Variants in PCCA observed in about 807,000 individuals in gnomAD.
PCCA encodes the protein propionyl-CoA carboxylase subunit alpha, also known as propionyl-CoA carboxylase alpha chain, mitochondrial.
Under a neutral mutation model 101.3 loss-of-function variants are expected in PCCA, and 74 were observed. That is an observed-to-expected ratio of 0.73 (90% CI 0.61 to 0.89). The LOEUF (loss-of-function observed/expected upper bound fraction) is 0.89, where lower values mean the gene tolerates loss of function less well. Among genes scored for constraint, PCCA ranks in the 40% least tolerant of loss-of-function variants. The probability of loss-of-function intolerance (pLI) is 0.00; values close to 1 mark genes in which losing one functional copy is unlikely to be tolerated. For synonymous variants in PCCA, 294 were observed against 313.6 expected (o/e 0.94, Z 0.66); for missense variants, 891 against 907.0 (o/e 0.98, Z 0.23).
intron 19 of PCCA, among the ~76,000 whole-genome samples, chr13:100,418,964 C>T (rs1475079868): frequency 1.3e-5 from 2 of 151,960 alleles, no homozygotes; most frequent in South Asian, 2.1e-4. Context: ...CTGCTCCATC[C>T]ACATGGGTTT....
At chr13:100,337,675 CCT>C (rs755996881) in intron 17 of PCCA, among the ~76,000 whole-genome samples, 6 of 152,114 alleles carry the variant, frequency 3.9e-5, no homozygotes, top group Non-Finnish European at 8.8e-5. Context: ...ATTTGGGAGA[CCT>C]CTCTCAATAT....
chr13:100,213,511 T>A (rs1433692574), intron 7 of PCCA, among the ~76,000 whole-genome samples: 2 of 152,272 alleles, frequency 1.3e-5, no homozygotes, highest in Non-Finnish European at 2.9e-5. Context: ...ATATGCCTGT[T>A]TAACATTTGT....
chr13:100,368,655 C>G (rs2075376078), intron 19 of PCCA, 81 bp downstream of exon 19: 6 of 866,864 alleles, frequency 6.9e-6, no homozygotes, highest in Admixed American at 5.5e-5. Context: ...TGTTCAGTGA[C>G]TCTCGTCTTT....
At chr13:100,360,268 T>C (rs1269256709) in intron 18 of PCCA, among the ~76,000 whole-genome samples, 1 of 151,930 alleles carries the variant, frequency 6.6e-6, no homozygotes, top group East Asian at 1.9e-4. Context: ...CAGTCACCTC[T>C]TACTGCATCC....
At chr13:100,180,198 T>A (rs578125427) in intron 6 of PCCA, among the ~76,000 whole-genome samples, 4 of 152,320 alleles carry the variant, frequency 2.6e-5, no homozygotes, top group Admixed American at 6.5e-5. Flanking sequence ...ACTGAAGAAC[T>A]ATGTGATTAA....
At chr13:100,370,907 A>C (rs1343916632) in intron 19 of PCCA, among the ~76,000 whole-genome samples, 1 of 152,118 alleles carries the variant, frequency 6.6e-6, no homozygotes, top group Non-Finnish European at 1.5e-5. Flanking sequence ...GGTCTGGGTT[A>C]ATGACTCTGG....
At chr13:100,312,568 A>G (rs368799489) in intron 16 of PCCA, among the ~76,000 whole-genome samples, 1 of 152,230 alleles carries the variant, frequency 6.6e-6, no homozygotes. Flanking sequence ...TGACCCAGCT[A>G]TTCATCTTTT....
intron 4 of PCCA, among the ~76,000 whole-genome samples, chr13:100,153,054 T>C (rs1300640510): frequency 1.3e-5 from 2 of 152,138 alleles, no homozygotes; most frequent in Non-Finnish European, 2.9e-5. Flanking sequence ...TAGGTGTAGA[T>C]TTTTACCTTA....
At chr13:100,441,427 T>A (rs2080357231) in intron 20 of PCCA, among the ~76,000 whole-genome samples, 1 of 152,230 alleles carries the variant, frequency 6.6e-6, no homozygotes, top group African/African-American at 2.4e-5. Context: ...CTGGTTTTAT[T>A]ATCCTAGGAA....
intron 2 of PCCA, among the ~76,000 whole-genome samples, chr13:100,111,044 G>T (rs983477018): frequency 6.6e-6 from 1 of 151,188 alleles, no homozygotes; most frequent in Non-Finnish European, 1.5e-5. Flanking sequence ...ATGGAGACTC[G>T]CTTTGTCACC....
intron 20 of PCCA, among the ~76,000 whole-genome samples, chr13:100,427,541 C>T (rs1191499290): frequency 2.6e-5 from 4 of 151,658 alleles, no homozygotes; most frequent in African/African-American, 7.3e-5. Flanking sequence ...GGATCATGTT[C>T]GGTAAATCCC....
At chr13:100,120,010 T>C (rs1304531818) in intron 4 of PCCA, among the ~76,000 whole-genome samples, 2 of 151,968 alleles carry the variant, frequency 1.3e-5, no homozygotes, top group Non-Finnish European at 2.9e-5. Context: ...TAGCTGGGCT[T>C]ACAGGCATGC....
At position 100,157,294 on chromosome 13, in the gene PCCA, C is replaced by T; in HGVS notation, c.422C>T (p.Pro141Leu). ...IKKTRAQAVH[P>L]GYGFLSENKE... ...TTTGCTTTCATTTCTAAGGTACATC[C>T]AGGTTATGGATTCCTTTCAGAAAAC... The change falls in exon 6 of 24, where the codon CCA (proline) becomes CTA (leucine). Residue 141 changes from proline to leucine, a missense_variant. Pro to Leu is a moderately conservative substitution (Grantham distance 98, BLOSUM62 -3). Transcript: ENST00000376285. The T allele has an allele frequency of 3.1e-6, 5 of 1,609,856 alleles. No individual in the cohort carries two copies. Among genetic ancestry groups the T allele is most frequent in the Non-Finnish European group, 2.6e-6 (3 of 1,176,380 alleles).
chr13:100,276,268 A>T (rs1035846988), intron 12 of PCCA, among the ~76,000 whole-genome samples: 7 of 146,886 alleles, frequency 4.8e-5, no homozygotes, highest in Non-Finnish European at 1.0e-4. Context: ...TTTGGCCAGT[A>T]TTTTTTTCAA....
chr13:100,204,806 G>T (rs1328933560), intron 6 of PCCA, among the ~76,000 whole-genome samples: 1 of 152,050 alleles, frequency 6.6e-6, no homozygotes, highest in African/African-American at 2.4e-5. Context: ...CTCTTCTTTT[G>T]TCTTGCTGTG....
intron 6 of PCCA, among the ~76,000 whole-genome samples, chr13:100,181,011 C>T (rs1594577519): frequency 6.6e-6 from 1 of 152,290 alleles, no homozygotes; most frequent in Non-Finnish European, 1.5e-5. Flanking sequence ...AAGAGAAAGA[C>T]ATTGGAAGCC....
At chr13:100,160,010 TTTAC>T (rs1259604615) in intron 6 of PCCA, among the ~76,000 whole-genome samples, 5 of 152,242 alleles carry the variant, frequency 3.3e-5, no homozygotes, top group Admixed American at 1.3e-4. Flanking sequence ...ATACATTGTT[TTTAC>T]TTAATATCCA....
intron 20 of PCCA, among the ~76,000 whole-genome samples, chr13:100,428,884 G>T (rs543267938): frequency 2.4e-4 from 36 of 152,268 alleles, no homozygotes; most frequent in Admixed American, 2.2e-3. Flanking sequence ...CATAGGAGAG[G>T]CTCTACTTTA....
At chr13:100,328,164 A>G (rs2068924327) in intron 16 of PCCA, among the ~76,000 whole-genome samples, 1 of 152,114 alleles carries the variant, frequency 6.6e-6, no homozygotes, top group South Asian at 2.1e-4. Context: ...GGAGATCGAG[A>G]CCAACCTGGC....
Sources: gnomAD v4.1 joint callset for allele counts (sites outside exome capture counted in the v4.1 genomes callset) on GRCh38, gnomAD v4.1.1 for gene constraint, MANE v1.5 for transcripts, NCBI Gene and HGNC (gene_info 2026-07-23, HGNC 2026-07-21) for gene names.